Variants in TEAD1 observed in about 807,000 individuals in gnomAD.
The protein encoded by TEAD1 is TEA domain transcription factor 1, also known as transcriptional enhancer factor TEF-1.
TEAD1 carries 9 observed loss-of-function variants against 54.9 expected under a neutral mutation model. That is an observed-to-expected ratio of 0.16 (90% CI 0.10 to 0.29). The LOEUF (loss-of-function observed/expected upper bound fraction) is 0.29, where lower values mean the gene tolerates loss of function less well. Among genes scored for constraint, TEAD1 ranks in the 10% least tolerant of loss-of-function variants. TEAD1 has a pLI of 1.00. For synonymous variants in TEAD1, 200 were observed against 187.8 expected, an observed-to-expected ratio of 1.07 and a Z score of -0.53; for missense variants, 387 against 535.9, an observed-to-expected ratio of 0.72 and a Z score of 2.74.
At chr11:12,842,848 G>T (rs1368356894) in intron 3 of TEAD1, among the ~76,000 whole-genome samples, 2 of 152,072 alleles carry the variant, frequency 1.3e-5, no homozygotes, top group African/African-American at 4.8e-5. Flanking sequence ...AGAGTTATAA[G>T]CATCAAAGCC....
chr11:12,703,659 A>G (rs1057211696), intron 2 of TEAD1, among the ~76,000 whole-genome samples: 2 of 152,180 alleles, frequency 1.3e-5, no homozygotes, highest in Non-Finnish European at 2.9e-5. Context: ...TGACTTGCAC[A>G]TCTTTATATT....
chr11:12,922,495 G>A (rs914311982), intron 10 of TEAD1: 2 of 152,174 alleles, frequency 1.3e-5, no homozygotes, highest in Non-Finnish European at 1.5e-5. Flanking sequence ...AAAGTAGGAA[G>A]TTTTGCCTAA....
chr11:12,853,400 C>A (rs1171830749), intron 3 of TEAD1, among the ~76,000 whole-genome samples: 1 of 151,952 alleles, frequency 6.6e-6, no homozygotes. Context: ...GCAGTAGGAG[C>A]CTTGGAAGGT....
At position 12,883,049 on chromosome 11, in the gene TEAD1, G is replaced by C; in HGVS notation, c.623G>C (p.Gly208Ala). ...GCTCCCTCAGTCCCTGCCTGGCAAG[G>C]TCGCTCCATTGGCACAACCAAGCTT... is the stretch of plus-strand genomic sequence containing the variant. Residue 208 changes from glycine to alanine, a missense_variant, in exon 9 of 13, where the codon GGT becomes GCT. By Grantham distance (60) the Gly-to-Ala change is moderately conservative. Transcript: ENST00000527636. 1 of 1,614,186 alleles carries C rather than the reference G, an allele frequency of 6.2e-7. No homozygotes were observed. Among genetic ancestry groups the C allele is most frequent in the Non-Finnish European group, 8.5e-7 (1 of 1,180,046 alleles).
intron 2 of TEAD1, among the ~76,000 whole-genome samples, chr11:12,749,281 G>A (rs1198931580): frequency 2.0e-5 from 3 of 152,146 alleles, no homozygotes; most frequent in Admixed American, 6.5e-5. Flanking sequence ...CCATTTGTAC[G>A]TGTAATTGGA....
intron 2 of TEAD1, among the ~76,000 whole-genome samples, chr11:12,717,410 G>T (rs1236958832): frequency 6.6e-6 from 1 of 152,184 alleles, no homozygotes. Flanking sequence ...ATGGATAGAA[G>T]ATGTGCTGTG....
chr11:12,879,973 A>G, intron 6 of TEAD1, 131 bp downstream of exon 6: 3 of 1,349,206 alleles, frequency 2.2e-6, no homozygotes. Flanking sequence ...TACCTTGTCA[A>G]CTGATAACTG....
At chr11:12,696,729 C>T (rs923687561) in intron 2 of TEAD1, among the ~76,000 whole-genome samples, 3 of 152,054 alleles carry the variant, frequency 2.0e-5, no homozygotes, top group African/African-American at 7.3e-5. Context: ...GGGAAATACA[C>T]CCTGCGTGCT....
intron 5 of TEAD1, among the ~76,000 whole-genome samples, chr11:12,875,737 A>G (rs778158626): frequency 6.6e-6 from 1 of 152,162 alleles, no homozygotes; most frequent in Non-Finnish European, 1.5e-5. Flanking sequence ...CTTGAGATGA[A>G]ATTTCCTTTC....
intron 2 of TEAD1, among the ~76,000 whole-genome samples, chr11:12,709,078 C>T (rs559071184): frequency 6.6e-6 from 1 of 152,264 alleles, no homozygotes; most frequent in East Asian, 1.9e-4. Context: ...TAGCTCATGC[C>T]TGTAATCCCA....
rs1018911743 is a variant in TEAD1, at chr11:12,937,940, A to G, written c.*718A>G. ...ATTAAACTCTTGAACAGGTATTACAAAGGAAGAAAACTTCACCCCTTATCC... is the reference window on the plus strand; with the variant it reads ...ATTAAACTCTTGAACAGGTATTACAGAGGAAGAAAACTTCACCCCTTATCC... On this transcript the variant is annotated 3_prime_UTR_variant, in exon 13 of 13. Transcript: ENST00000527636. The G allele has an allele frequency of 1.3e-5, 2 of 152,438 alleles. No individual in the cohort carries two copies. The highest frequency in any genetic ancestry group is 4.8e-5 in the African/African-American group (2 of 41,414). The allele number at this position is 152,438 out of a possible 1,614,324, so 9.4% of individuals were successfully genotyped here.
chr11:12,906,570 A>G (rs1948526728), intron 10 of TEAD1, among the ~76,000 whole-genome samples: 1 of 151,776 alleles, frequency 6.6e-6, no homozygotes. Context: ...AAAGAAAGAA[A>G]AGTACAATTT....
chr11:12,879,572 T>A, intron 5 of TEAD1, 136 bp from the exon 6 acceptor site: 1 of 1,021,860 alleles, frequency 9.8e-7, no homozygotes, highest in Non-Finnish European at 1.5e-6. Flanking sequence ...CTGTGTTATT[T>A]ATCCATGCAT....
rs1947978635 is a variant in TEAD1 at position 12,881,883 on chromosome 11, T to C, written c.513-13T>C. On this transcript the variant is annotated splice_polypyrimidine_tract_variant and intron_variant, in intron 7 of 12. Coordinates refer to ENST00000527636, the MANE Select transcript of TEAD1 (RefSeq NM_021961.6). ...CGATCTCTTAACTCTGTCTGCCATC[T>C]CTCTGTTCCCAGCGTCAAGCCTTTT... 3 of 1,614,042 alleles carry C rather than the reference T, an allele frequency of 1.9e-6. No homozygotes were observed. In the South Asian group the frequency reaches 3.3e-5, roughly 18 times the overall value.
At chr11:12,895,868 A>G (rs930807968) in intron 9 of TEAD1, among the ~76,000 whole-genome samples, 3 of 152,088 alleles carry the variant, frequency 2.0e-5, no homozygotes, top group African/African-American at 7.2e-5. Context: ...TATTAATTTT[A>G]GGCATCATCT....
intron 3 of TEAD1, among the ~76,000 whole-genome samples, chr11:12,839,932 A>G (rs957012238): frequency 3.3e-5 from 5 of 152,016 alleles, no homozygotes; most frequent in African/African-American, 1.2e-4. Context: ...AGTAAGGAAA[A>G]CAGTTCGGAG....
intron 3 of TEAD1, among the ~76,000 whole-genome samples, chr11:12,790,154 G>A (rs1945766677): frequency 6.6e-6 from 1 of 152,234 alleles, no homozygotes; most frequent in Admixed American, 6.5e-5. Context: ...GCTGAGCCTG[G>A]GTGGAGAGTG....
At chr11:12,893,331 C>T (rs557182092) in intron 9 of TEAD1, among the ~76,000 whole-genome samples, 4 of 152,170 alleles carry the variant, frequency 2.6e-5, no homozygotes, top group African/African-American at 4.8e-5. Flanking sequence ...GTGGAGCACC[C>T]CCATGCCCCT....
At chr11:12,685,870 A>C (rs2133817379) in intron 2 of TEAD1, among the ~76,000 whole-genome samples, 1 of 152,336 alleles carries the variant, frequency 6.6e-6, no homozygotes, top group South Asian at 2.1e-4. Context: ...GATTGACTTA[A>C]GAATGGGAGA....
Sources: allele counts gnomAD v4.1 joint callset (sites outside exome capture counted in the v4.1 genomes callset), GRCh38; gene constraint gnomAD v4.1.1; transcripts MANE v1.5; gene names NCBI Gene and HGNC (gene_info 2026-07-23, HGNC 2026-07-21).